NTN5: variants seen among roughly 807,000 people sequenced by gnomAD.
The protein encoded by NTN5 is netrin-5.
In NTN5, 42 loss-of-function variants were observed where a neutral mutation model predicts 38.7. That is an observed-to-expected ratio of 1.08 (90% CI 0.85 to 1.40). The LOEUF is 1.40. Among genes scored for constraint, NTN5 ranks in the 40% most tolerant of loss-of-function variants. The probability of loss-of-function intolerance (pLI) is 0.00; values close to 1 mark genes in which losing one functional copy is unlikely to be tolerated. For synonymous variants in NTN5, 329 were observed against 303.9 expected (o/e 1.08, Z -0.86); for missense variants, 658 against 716.5 (o/e 0.92, Z 0.93).
intron 2 of NTN5, among the ~76,000 whole-genome samples, chr19:48,669,606 CCATCAT>C (rs2031852858): frequency 7.3e-4 from 2 of 2,730 alleles, no homozygotes; most frequent in Non-Finnish European, 7.1e-4. Flanking sequence ...ACCACCACCA[CCATCAT>C]CACCACCATC....
In NTN5 at chr19:48,670,731, C is replaced by G. The variant is rs150855933; in HGVS notation, c.256G>C (p.Gly86Arg). The G allele has an allele frequency of 6.2e-7, 1 of 1,612,818 alleles. No individual in the cohort carries two copies. Residue 86 changes from glycine to arginine, a missense_variant, in exon 2 of 7, where the codon GGA (glycine) becomes CGA (arginine). Coordinates refer to ENST00000270235, the MANE Select transcript of NTN5 (RefSeq NM_145807.4). ...TSVSLRFCTP[G>R]PPALILSAAW... ...GCAGACAGGATGAGGGCTGGGGGTCCTGGGGTACAGAAGCGCAAGCTGACA... is the reference window on the plus strand; with the variant it reads ...GCAGACAGGATGAGGGCTGGGGGTCGTGGGGTACAGAAGCGCAAGCTGACA...
chr19:48,670,185 G>A (rs1380099797), intron 2 of NTN5, among the ~76,000 whole-genome samples, 171 bp downstream of exon 2: 2 of 152,166 alleles, frequency 1.3e-5, no homozygotes, highest in Non-Finnish European at 2.9e-5. Flanking sequence ...GTGTGGCTGA[G>A]ATACAGGACT....
At position 48,661,865 on chromosome 19, in the gene NTN5, C is replaced by T. The variant is rs1180638386; in HGVS notation, c.1282G>A (p.Asp428Asn). The T allele has an allele frequency of 2.2e-6, 3 of 1,342,076 alleles. No individual in the cohort carries two copies. The highest frequency in any genetic ancestry group is 1.6e-5 in the African/African-American group (1 of 63,714). 83.1% of individuals were successfully genotyped at this position (1,342,076 alleles called of 1,614,324 possible). The change falls in exon 7 of 7, where the codon GAC becomes AAC. Residue 428 changes from aspartate (D) to asparagine (N), a missense_variant. Physicochemically the swap from Asp to Asn is conservative, Grantham distance 23. Transcript: ENST00000270235. ...ACGGCGCTGCCCAGCAGCAGGTAGT[C>T]GGTGCCTGGCTGCAGGCGCAGGCAG... ...CGCLRLQPGTDYLLLGSAVGD... is the reference protein window; with the variant it reads ...CGCLRLQPGTNYLLLGSAVGD...
chr19:48,667,041 A>C (rs1353980706), intron 2 of NTN5, among the ~76,000 whole-genome samples: 1 of 151,864 alleles, frequency 6.6e-6, no homozygotes, highest in Non-Finnish European at 1.5e-5. Context: ...TCTTGGAAAA[A>C]CAACTCCCCC....
At chr19:48,663,917 T>A in intron 4 of NTN5, 103 bp from the exon 5 acceptor site, 1 of 1,274,338 alleles carries the variant, frequency 7.8e-7, no homozygotes, top group East Asian at 2.3e-5. Flanking sequence ...TGTTTATTCC[T>A]TTAGGACTCA....
intron 2 of NTN5, among the ~76,000 whole-genome samples, chr19:48,669,189 TCATCACCAC>T (rs2031799104): frequency 4.3e-5 from 1 of 23,168 alleles, no homozygotes; most frequent in East Asian, 1.8e-3. Flanking sequence ...ATGACCACCA[TCATCACCAC>T]CATCACCATC....
Position 48,670,392 on chromosome 19 carries a change from G to T in NTN5, c.595C>A (p.Arg199=). The T allele has an allele frequency of 7.1e-7, 1 of 1,418,314 alleles. No homozygotes were observed. The highest frequency in any genetic ancestry group is 9.2e-7 in the Non-Finnish European group (1 of 1,087,320). 87.9% of individuals were successfully genotyped at this position (1,418,314 alleles called of 1,614,324 possible). A position where few individuals can be genotyped will look rare whatever the true frequency, so the allele number is the denominator to read the frequency against. ...CRPSHRDWPW[R]PATPRHPHPC... is the part of the protein sequence containing the mutation. The stretch of plus-strand genomic sequence containing the variant: ...TGGGGGTGCCGGGGCGTGGCAGGCC[G>T]CCAGGGCCAGTCTCGATGGGACGGG... Residue 199 remains arginine (R), a synonymous_variant, in exon 2 of 7, where the codon CGG becomes AGG. Coordinates refer to ENST00000270235, the MANE Select transcript of NTN5 (RefSeq NM_145807.4).
chr19:48,670,291 C>T, intron 2 of NTN5, 65 bp downstream of exon 2: 5 of 1,363,810 alleles, frequency 3.7e-6, no homozygotes, highest in African/African-American at 1.5e-5. Context: ...ATCCTGCTCC[C>T]GTAGGGACAA....
intron 2 of NTN5, among the ~76,000 whole-genome samples, chr19:48,665,114 G>T (rs1330295082): frequency 6.6e-6 from 1 of 150,936 alleles, no homozygotes; most frequent in Non-Finnish European, 1.5e-5. Flanking sequence ...AGTAGAGACG[G>T]GGTTTCACCG....
chr19:48,670,641 CT>C lies in NTN5; in HGVS notation c.345del (p.Gly117AlafsTer5). On this transcript the variant is annotated frameshift_variant, in exon 2 of 7. Coordinates refer to ENST00000270235, the MANE Select transcript of NTN5 (RefSeq NM_145807.4). LOFTEE classifies it high-confidence loss of function. ...TGGAAGGTCACCCTTTCAGGGCCCC[CT>C]AAGGCCCCAGGCCAGGCGGGCCTGT... ...LWHRPAWPGA[L>X]GGPERVTFHS... 6.2e-7 allele frequency: 1 copy of C among 1,603,370 alleles called. No homozygotes were observed. Among genetic ancestry groups the C allele is most frequent in the Non-Finnish European group, 8.5e-7 (1 of 1,175,774 alleles).
chr19:48,663,551 G>C lies in NTN5; in HGVS notation c.1025-8C>G. ...AGTTTTGACACTGAGGGTCTGGGGAGGGTCAGGCTGTCTGCAGTGGGCTCC... is the reference window on the plus strand; with the variant it reads ...AGTTTTGACACTGAGGGTCTGGGGACGGTCAGGCTGTCTGCAGTGGGCTCC... On this transcript the variant is annotated splice_polypyrimidine_tract_variant and splice_region_variant and intron_variant, in intron 5 of 6. Coordinates refer to ENST00000270235, the MANE Select transcript of NTN5 (RefSeq NM_145807.4). 1 of 1,613,928 alleles carries C rather than the reference G, an allele frequency of 6.2e-7. No individual in the cohort carries two copies. The highest frequency in any genetic ancestry group is 8.5e-7 in the Non-Finnish European group (1 of 1,179,806).
intron 2 of NTN5, among the ~76,000 whole-genome samples, chr19:48,665,179 T>TA (rs1353466572): frequency 6.6e-6 from 1 of 151,930 alleles, no homozygotes; most frequent in Non-Finnish European, 1.5e-5. Context: ...CTCATGCCTG[T>TA]AATCCCAGCA....
At chr19:48,667,712 C>T (rs1354313213) in intron 2 of NTN5, among the ~76,000 whole-genome samples, 1 of 152,070 alleles carries the variant, frequency 6.6e-6, no homozygotes, top group Non-Finnish European at 1.5e-5. Context: ...CAAAATTAGC[C>T]GGGCGTGGTG....
intron 2 of NTN5, among the ~76,000 whole-genome samples, chr19:48,669,898 C>T (rs1234451274): frequency 7.8e-6 from 1 of 127,934 alleles, no homozygotes; most frequent in Admixed American, 7.5e-5. Flanking sequence ...CCATCACCAC[C>T]ACCATCACCA....
At chr19:48,665,894 C>T (rs1240192247) in intron 2 of NTN5, among the ~76,000 whole-genome samples, 2 of 151,998 alleles carry the variant, frequency 1.3e-5, no homozygotes, top group South Asian at 2.1e-4. Context: ...TCTCTCTGAC[C>T]GTATTCCCTG....
At chr19:48,665,826 A>C (rs1003976946) in intron 2 of NTN5, among the ~76,000 whole-genome samples, 1 of 152,050 alleles carries the variant, frequency 6.6e-6, no homozygotes, top group African/African-American at 2.4e-5. Context: ...CTCAGAAAAA[A>C]AAAAAACAAA....
At chr19:48,663,922 G>T in intron 4 of NTN5, 108 bp from the exon 5 acceptor site, 1 of 1,232,696 alleles carries the variant, frequency 8.1e-7, no homozygotes, top group Non-Finnish European at 1.2e-6. Flanking sequence ...ATTCCTTTAG[G>T]ACTCAAGAGT....
At chr19:48,668,908 GGGTGCTC>G (rs1172893098) in intron 2 of NTN5, among the ~76,000 whole-genome samples, 10 of 151,332 alleles carry the variant, frequency 6.6e-5, no homozygotes. Flanking sequence ...GCCCTGGGAT[GGGTGCTC>G]GGAAACTGTT....
At chr19:48,664,890 G>A in intron 2 of NTN5, 123 bp from the exon 3 acceptor site, 1 of 757,422 alleles carries the variant, frequency 1.3e-6, no homozygotes, top group South Asian at 2.6e-5. Context: ...AGAAGAGAAT[G>A]CCTGGGTCCC....
Sources: allele counts gnomAD v4.1 joint callset (sites outside exome capture counted in the v4.1 genomes callset), GRCh38; gene constraint gnomAD v4.1.1; transcripts MANE v1.5; gene names NCBI Gene and HGNC (gene_info 2026-07-23, HGNC 2026-07-21).